The following GALNT17 variants were observed in gnomAD, a reference collection of about 807,000 sequenced individuals.
The protein encoded by GALNT17 is polypeptide N-acetylgalactosaminyltransferase 17.
In GALNT17, 29 loss-of-function variants were observed where a neutral mutation model predicts 63.7. That is an observed-to-expected ratio of 0.46 (90% CI 0.34 to 0.62). GALNT17 has a LOEUF of 0.62. GALNT17 is among the 20% of genes least tolerant of loss of function. GALNT17 has a pLI of 0.01. For missense variants in GALNT17, 603 were observed against 799.6 expected, an observed-to-expected ratio of 0.75 and a Z score of 2.97; for synonymous variants, 305 against 318.3, an observed-to-expected ratio of 0.96 and a Z score of 0.45.
At chr7:71,219,040 G>A (rs1789535873) in intron 1 of GALNT17, among the ~76,000 whole-genome samples, 1 of 152,114 alleles carries the variant, frequency 6.6e-6, no homozygotes, top group South Asian at 2.1e-4. Context: ...AAAGGTTGGG[G>A]ACTGCTGTAG....
At chr7:71,464,535 C>T (rs1787504543) in intron 5 of GALNT17, among the ~76,000 whole-genome samples, 1 of 152,162 alleles carries the variant, frequency 6.6e-6, no homozygotes, top group Non-Finnish European at 1.5e-5. Flanking sequence ...CAGAAAGAAG[C>T]TGTCATACTG....
intron 1 of GALNT17, among the ~76,000 whole-genome samples, chr7:71,263,318 T>C (rs550143182): frequency 1.3e-5 from 2 of 151,872 alleles, no homozygotes; most frequent in African/African-American, 2.4e-5. Flanking sequence ...GAGATTGCGC[T>C]ACTGCACTCC....
intron 2 of GALNT17, among the ~76,000 whole-genome samples, chr7:71,345,378 C>A (rs1026807258): frequency 6.6e-6 from 1 of 152,138 alleles, no homozygotes; most frequent in Non-Finnish European, 1.5e-5. Context: ...TCTTCAATTT[C>A]TCCTTTGGCC....
intron 2 of GALNT17, among the ~76,000 whole-genome samples, chr7:71,344,289 G>GA (rs1189939361): frequency 6.6e-6 from 1 of 152,086 alleles, no homozygotes; most frequent in East Asian, 1.9e-4. Flanking sequence ...TTAACTACAG[G>GA]AAAAAAACAA....
chr7:71,517,112 T>C (rs1275701906), intron 5 of GALNT17, among the ~76,000 whole-genome samples: 1 of 152,218 alleles, frequency 6.6e-6, no homozygotes, highest in Non-Finnish European at 1.5e-5. Flanking sequence ...AAAAATACCA[T>C]GGACTAGGCA....
At chr7:71,232,217 C>A (rs970003977) in intron 1 of GALNT17, among the ~76,000 whole-genome samples, 7 of 152,236 alleles carry the variant, frequency 4.6e-5, no homozygotes, top group Non-Finnish European at 1.0e-4. Context: ...TCTGCCAAAT[C>A]CCTGAGGCCT....
At chr7:71,568,703 C>G (rs1025321502) in intron 5 of GALNT17, among the ~76,000 whole-genome samples, 2 of 152,056 alleles carry the variant, frequency 1.3e-5, no homozygotes, top group Non-Finnish European at 2.9e-5. Context: ...AATATTTACT[C>G]AATGAATTTA....
chr7:71,289,918 A>C (rs1240325349), intron 1 of GALNT17, among the ~76,000 whole-genome samples: 1 of 147,894 alleles, frequency 6.8e-6, no homozygotes, highest in African/African-American at 2.5e-5. Flanking sequence ...GGTGGCACGC[A>C]CCTGTAGTCC....
chr7:71,213,540 A>G (rs529725436), intron 1 of GALNT17, among the ~76,000 whole-genome samples: 1 of 152,208 alleles, frequency 6.6e-6, no homozygotes, highest in South Asian at 2.1e-4. Context: ...TTCTTAAGTG[A>G]ATTTTGATTC....
intron 1 of GALNT17, among the ~76,000 whole-genome samples, chr7:71,321,914 C>CCTTCCTTT (rs1791619439): frequency 1.4e-5 from 1 of 72,266 alleles, no homozygotes; most frequent in Non-Finnish European, 2.9e-5. Flanking sequence ...TTCCTTCCTT[C>CCTTCCTTT]CTTCCTTCCC....
chr7:71,389,149 T>C (rs1793005037), intron 3 of GALNT17, among the ~76,000 whole-genome samples: 1 of 152,002 alleles, frequency 6.6e-6, no homozygotes, highest in Non-Finnish European at 1.5e-5. Flanking sequence ...CCTTTTTTTT[T>C]TTGAGATGGA....
intron 1 of GALNT17, among the ~76,000 whole-genome samples, chr7:71,179,132 T>C (rs1406963474): frequency 6.6e-6 from 1 of 152,200 alleles, no homozygotes; most frequent in Non-Finnish European, 1.5e-5. Flanking sequence ...AACGTCAAGC[T>C]GGGAACTGCT....
At chr7:71,392,114 G>T (rs1793062532) in intron 3 of GALNT17, among the ~76,000 whole-genome samples, 1 of 152,142 alleles carries the variant, frequency 6.6e-6, no homozygotes, top group African/African-American at 2.4e-5. Context: ...ATTTGGAGGG[G>T]ACAAATATTC....
rs1478909636 is a variant in GALNT17 at position 71,494,803 on chromosome 7, G to A, written c.962+73698G>A. Among the ~76,000 whole-genome samples, 5 of 152,152 alleles carry A rather than the reference G, an allele frequency of 3.3e-5. No individual in the cohort carries two copies. In the East Asian group the frequency reaches 5.8e-4, roughly 18 times the overall value. On this transcript the variant is annotated intron_variant, in intron 5 of 10. Transcript: ENST00000333538. ...GTGGCTGGGGAGGCCTCACAATCAC[G>A]GCTGAAGGCAAATGAGCAAAGTCAC...
At chr7:71,666,854 A>G (rs1790993530) in intron 7 of GALNT17, among the ~76,000 whole-genome samples, 1 of 152,168 alleles carries the variant, frequency 6.6e-6, no homozygotes, top group Non-Finnish European at 1.5e-5. Flanking sequence ...AAATATTTTC[A>G]GTCTGCAGTT....
chr7:71,235,746 A>G (rs1233208946), intron 1 of GALNT17, among the ~76,000 whole-genome samples: 1 of 152,174 alleles, frequency 6.6e-6, no homozygotes, highest in Non-Finnish European at 1.5e-5. Context: ...GGGTTCCCCC[A>G]GCTCCAGCAC....
intron 6 of GALNT17, among the ~76,000 whole-genome samples, chr7:71,643,191 A>G (rs1022378804): frequency 2.0e-5 from 3 of 151,798 alleles, no homozygotes; most frequent in African/African-American, 7.3e-5. Context: ...GCCACAGGCC[A>G]GGCGAAGAGG....
At chr7:71,310,885 G>T (rs1791403717) in intron 1 of GALNT17, among the ~76,000 whole-genome samples, 1 of 152,152 alleles carries the variant, frequency 6.6e-6, no homozygotes, top group Admixed American at 6.5e-5. Context: ...TGGAGGAAGG[G>T]ATCTCAGGAA....
intron 1 of GALNT17, among the ~76,000 whole-genome samples, chr7:71,240,205 A>G (rs1789967155): frequency 1.3e-5 from 2 of 152,188 alleles, no homozygotes; most frequent in Non-Finnish European, 2.9e-5. Context: ...CTCAGCCGAG[A>G]CCGGAGAATT....
Sources: gnomAD v4.1 joint callset for allele counts (sites outside exome capture counted in the v4.1 genomes callset) on GRCh38, gnomAD v4.1.1 for gene constraint, MANE v1.5 for transcripts, NCBI Gene and HGNC (gene_info 2026-07-23, HGNC 2026-07-21) for gene names.